Variants in SLCO6A1 observed in about 807,000 individuals in gnomAD.
SLCO6A1 encodes solute carrier organic anion transporter family member 6A1.
A neutral mutation model predicts 72.7 loss-of-function variants in SLCO6A1; 65 were observed. The ratio of observed to expected loss-of-function variants is 0.89; its 90% CI spans 0.73 to 1.10. The LOEUF (loss-of-function observed/expected upper bound fraction) is 1.10, where lower values mean the gene tolerates loss of function less well. SLCO6A1 is among the 50% of genes least tolerant of loss of function. The pLI is 0.00. For synonymous variants in SLCO6A1, 314 were observed against 298.2 expected (o/e 1.05, Z -0.55); for missense variants, 874 against 872.6 (o/e 1.00, Z -0.02).
At chr5:102,455,215 G>C (rs889555825) in intron 6 of SLCO6A1, among the ~76,000 whole-genome samples, 14 of 151,786 alleles carry the variant, frequency 9.2e-5, no homozygotes, top group African/African-American at 3.4e-4. Flanking sequence ...GTCCAGGAAA[G>C]ACCAAGTGGC....
intron 3 of SLCO6A1, 82 bp from the exon 4 acceptor site, chr5:102,475,875 A>G: frequency 9.5e-7 from 1 of 1,049,266 alleles, no homozygotes; most frequent in Non-Finnish European, 1.4e-6. Flanking sequence ...GAAATTGATT[A>G]CTTCTGAAAG....
chr5:102,422,670 G>A (rs1748672407), intron 7 of SLCO6A1, among the ~76,000 whole-genome samples: 1 of 152,134 alleles, frequency 6.6e-6, no homozygotes, highest in South Asian at 2.1e-4. Context: ...GAAAGTGATG[G>A]GGAGAATGGA....
intron 8 of SLCO6A1, among the ~76,000 whole-genome samples, chr5:102,415,192 AG>A (rs1748214587): frequency 1.3e-5 from 2 of 152,176 alleles, no homozygotes; most frequent in South Asian, 4.1e-4. Context: ...TCATTTTTAT[AG>A]AATTTTTTAA....
Position 102,412,703 on chromosome 5 carries a change from G to T in SLCO6A1, c.1626+287C>A, listed in dbSNP as rs182971116. Among the ~76,000 whole-genome samples, 72 of 151,982 alleles carry T rather than the reference G, an allele frequency of 4.7e-4. 1 individual carries two copies. In the East Asian group the frequency reaches 0.01, roughly 22 times the overall value. Reference sequence around the variant, plus strand: ...TTGAGCCCAAGAGGTGGAGGTTGCAGTGAGCTGGGATCTCTCCACTGCACT... The same window carrying T: ...TTGAGCCCAAGAGGTGGAGGTTGCATTGAGCTGGGATCTCTCCACTGCACT... On this transcript the variant is annotated intron_variant, in intron 9 of 13. Coordinates refer to ENST00000506729, the MANE Select transcript of SLCO6A1 (RefSeq NM_173488.5).
At position 102,498,534 on chromosome 5, in the gene SLCO6A1, T is replaced by C. The variant is rs999595885; in HGVS notation, c.311A>G (p.Asn104Ser). ...GTAGAAAATCATGAAGCAGCGAATG[T>C]TATTGCAACACTCACAGCAGGTGCT... The part of the protein sequence containing the change: ...LVSTCCECCN[N>S]IRCFMIFYCI... The change falls in exon 1 of 14, where the codon AAC becomes AGC. Residue 104 changes from asparagine (N) to serine (S), a missense_variant. Asn to Ser is a conservative substitution (Grantham distance 46). Coordinates refer to ENST00000506729, the MANE Select transcript of SLCO6A1 (RefSeq NM_173488.5). The C allele has an allele frequency of 1.9e-6, 3 of 1,614,002 alleles. No individual in the cohort carries two copies. In the African/African-American group the frequency reaches 4.0e-5, roughly 22 times the overall value.
intron 11 of SLCO6A1, 69 bp from the exon 12 acceptor site, chr5:102,388,894 C>T: frequency 7.4e-7 from 1 of 1,352,760 alleles, no homozygotes; most frequent in Non-Finnish European, 1.0e-6. Context: ...AATGCACACA[C>T]AGATAATATA....
chr5:102,439,667 C>T (rs1033771897), intron 6 of SLCO6A1, among the ~76,000 whole-genome samples: 1 of 152,048 alleles, frequency 6.6e-6, no homozygotes, highest in African/African-American at 2.4e-5. Flanking sequence ...CATTAAACAC[C>T]CCTGTGCATG....
intron 5 of SLCO6A1, 22 bp downstream of exon 5, chr5:102,459,634 A>G: frequency 6.4e-7 from 1 of 1,567,350 alleles, no homozygotes; most frequent in Non-Finnish European, 8.6e-7. Context: ...CTCCAATTTA[A>G]TAAATTACAT....
intron 6 of SLCO6A1, among the ~76,000 whole-genome samples, chr5:102,451,668 C>T (rs1016007167): frequency 2.0e-5 from 3 of 152,140 alleles, no homozygotes; most frequent in South Asian, 2.1e-4. Flanking sequence ...GTTTCCCCTC[C>T]GTGGGGAGCC....
rs74489273 is a variant in SLCO6A1, at chr5:102,433,169, G to A, written c.1276+5448C>T. On this transcript the variant is annotated intron_variant, in intron 7 of 13. Transcript: ENST00000506729. ...CTGGCTACTTTATCTTCCAGATCCC[G>A]TATACTTTGTGATTCCTAGCTTCCT... 1.6e-4 allele frequency among the ~76,000 whole-genome samples: 24 copies of A among 152,180 alleles called. No homozygotes were observed. In the East Asian group the frequency reaches 2.9e-3, roughly 18 times the overall value.
intron 12 of SLCO6A1, among the ~76,000 whole-genome samples, chr5:102,375,837 G>C (rs1186892915): frequency 6.6e-6 from 1 of 152,020 alleles, no homozygotes; most frequent in Admixed American, 6.6e-5. Flanking sequence ...CCCAGAAGGA[G>C]AGAGTAGGAA....
chr5:102,390,125 G>A (rs1009454339), intron 11 of SLCO6A1, among the ~76,000 whole-genome samples: 3 of 151,966 alleles, frequency 2.0e-5, no homozygotes, highest in Admixed American at 6.6e-5. Context: ...AATATCTATA[G>A]ACAGTTTATG....
At chr5:102,441,655 T>C (rs1749839361) in intron 6 of SLCO6A1, among the ~76,000 whole-genome samples, 1 of 152,090 alleles carries the variant, frequency 6.6e-6, no homozygotes, top group Admixed American at 6.5e-5. Flanking sequence ...CTAACATACA[T>C]GAATATTGTC....
intron 13 of SLCO6A1, 70 bp downstream of exon 13, chr5:102,373,267 A>T: frequency 1.0e-6 from 1 of 980,396 alleles, no homozygotes; most frequent in Non-Finnish European, 1.3e-6. Flanking sequence ...ACATGTAATT[A>T]CATTATTATT....
rs552038641 is a variant in SLCO6A1 at position 102,431,997 on chromosome 5, T to C, written c.1276+6620A>G. ...TTCACCATTATGTAAAGCCCCTCTT[T>C]GTTTTTTACAATATTTGTTTATTTA... On this transcript the variant is annotated intron_variant, in intron 7 of 13. Transcript: ENST00000506729. Among the ~76,000 whole-genome samples, 7 of 152,356 alleles carry C rather than the reference T, an allele frequency of 4.6e-5. No homozygotes were observed. The South Asian group carries it at 1.4e-3, about 32-fold the overall frequency.
intron 9 of SLCO6A1, 131 bp from the exon 10 acceptor site, chr5:102,399,873 T>A: frequency 1.7e-6 from 1 of 571,862 alleles, no homozygotes; most frequent in Non-Finnish European, 2.9e-6. Flanking sequence ...GTCTTTATAT[T>A]AAGCCTGCTA....
chr5:102,440,542 A>C (rs971960411), intron 6 of SLCO6A1, among the ~76,000 whole-genome samples: 1 of 152,072 alleles, frequency 6.6e-6, no homozygotes, highest in Non-Finnish European at 1.5e-5. Flanking sequence ...AATAGAAATA[A>C]AGTGCACAAT....
intron 11 of SLCO6A1, 33 bp downstream of exon 11, chr5:102,390,948 T>G: frequency 6.3e-7 from 1 of 1,592,812 alleles, no homozygotes; most frequent in Non-Finnish European, 8.6e-7. Flanking sequence ...AAAAAACATT[T>G]TGATGTAATA....
intron 1 of SLCO6A1, among the ~76,000 whole-genome samples, chr5:102,496,061 T>A (rs1391275211): frequency 6.6e-6 from 1 of 152,188 alleles, no homozygotes; most frequent in Admixed American, 6.5e-5. Context: ...CACCAGTTCA[T>A]AATTGGATGA....
Sources: gnomAD v4.1 joint callset for allele counts (sites outside exome capture counted in the v4.1 genomes callset) on GRCh38, gnomAD v4.1.1 for gene constraint, MANE v1.5 for transcripts, NCBI Gene and HGNC (gene_info 2026-07-23, HGNC 2026-07-21) for gene names.